Variants in VRK2 observed in about 807,000 individuals in gnomAD.
The protein encoded by VRK2 is VRK serine/threonine kinase 2.
VRK2 carries 60 observed loss-of-function variants against 57.6 expected under a neutral mutation model. The observed-to-expected ratio is 1.04, with a 90% CI of 0.85 to 1.29. The LOEUF is 1.29. Ranked by LOEUF, VRK2 falls within the 50% of genes most tolerant of loss-of-function variation. The probability of loss-of-function intolerance (pLI) is 0.00; values close to 1 mark genes in which losing one functional copy is unlikely to be tolerated. For synonymous variants in VRK2, 231 were observed against 199.2 expected (o/e 1.16, Z -1.35); for missense variants, 705 against 588.1 (o/e 1.20, Z -2.06).
chr2:57,927,451 A>AT (rs1178850122), intron 1 of VRK2, among the ~76,000 whole-genome samples: 1 of 151,782 alleles, frequency 6.6e-6, no homozygotes, highest in Non-Finnish European at 1.5e-5. Flanking sequence ...TAATTTTTGT[A>AT]TTTTTAGTAG....
intron 2 of VRK2, among the ~76,000 whole-genome samples, chr2:58,080,693 T>C (rs963613149): frequency 1.3e-5 from 2 of 152,008 alleles, no homozygotes; most frequent in East Asian, 1.9e-4. Context: ...AGTTTGTACT[T>C]ATTAATTTAT....
chr2:58,009,265 C>T (rs1673346931), intron 1 of VRK2, among the ~76,000 whole-genome samples: 2 of 151,904 alleles, frequency 1.3e-5, no homozygotes, highest in South Asian at 4.2e-4. Flanking sequence ...TTTAACTGGA[C>T]ATATGATATA....
intron 1 of VRK2, among the ~76,000 whole-genome samples, chr2:58,004,211 C>T (rs921396718): frequency 1.3e-5 from 2 of 151,804 alleles, no homozygotes; most frequent in Non-Finnish European, 3.0e-5. Flanking sequence ...ACACACACAT[C>T]CTGACCTACC....
At chr2:58,120,410 T>G (rs1240363146) in intron 7 of VRK2, among the ~76,000 whole-genome samples, 2 of 151,598 alleles carry the variant, frequency 1.3e-5, no homozygotes, top group Non-Finnish European at 2.9e-5. Context: ...AGGCTGGTCT[T>G]GAACTCCTGA....
chr2:58,136,939 AT>A (rs1481967758), intron 10 of VRK2, among the ~76,000 whole-genome samples: 2 of 135,826 alleles, frequency 1.5e-5, no homozygotes, highest in Admixed American at 7.8e-5. Context: ...TATCATATAT[AT>A]TATATATCAT....
intron 1 of VRK2, among the ~76,000 whole-genome samples, chr2:57,960,013 G>A (rs989809273): frequency 2.7e-5 from 4 of 146,384 alleles, no homozygotes; most frequent in Non-Finnish European, 4.5e-5. Context: ...ATGGGTGTGT[G>A]TGTGTGTGAA....
intron 7 of VRK2, among the ~76,000 whole-genome samples, chr2:58,113,050 C>A (rs998988372): frequency 2.0e-5 from 3 of 152,256 alleles, no homozygotes; most frequent in Admixed American, 2.0e-4. Flanking sequence ...GTGGCTCACG[C>A]CTGTAATCCC....
intron 12 of VRK2, among the ~76,000 whole-genome samples, chr2:58,151,115 T>C (rs1682956754): frequency 6.6e-6 from 1 of 151,786 alleles, no homozygotes; most frequent in South Asian, 2.1e-4. Flanking sequence ...GTTCAAATCT[T>C]ATATATTCAC....
At chr2:58,020,474 G>A (rs904781092) in intron 1 of VRK2, among the ~76,000 whole-genome samples, 1 of 152,222 alleles carries the variant, frequency 6.6e-6, no homozygotes, top group African/African-American at 2.4e-5. Context: ...CAAGTCACTG[G>A]GATTACAGGT....
intron 7 of VRK2, among the ~76,000 whole-genome samples, chr2:58,102,926 T>C (rs924311104): frequency 2.0e-4 from 31 of 151,734 alleles, no homozygotes; most frequent in African/African-American, 7.5e-4. Flanking sequence ...ATTAATACCA[T>C]GAGTAATTAT....
At chr2:58,064,530 C>T (rs1161991090) in intron 2 of VRK2, among the ~76,000 whole-genome samples, 1 of 152,000 alleles carries the variant, frequency 6.6e-6, no homozygotes, top group Non-Finnish European at 1.5e-5. Context: ...TGCTGTTGTA[C>T]CCTTAATAAA....
chr2:58,142,854 CATAT>C (rs1404926496), intron 11 of VRK2, among the ~76,000 whole-genome samples: 1 of 151,792 alleles, frequency 6.6e-6, no homozygotes, highest in African/African-American at 2.4e-5. Flanking sequence ...GTGCTTGAAT[CATAT>C]ATACAATATA....
intron 12 of VRK2, chr2:58,154,772 C>T: frequency 1.4e-6 from 1 of 717,610 alleles, no homozygotes; most frequent in Non-Finnish European, 2.6e-6. Context: ...GAAGCTTAGG[C>T]TATTGATTTG....
chr2:57,928,224 A>T (rs1008566806), intron 1 of VRK2, among the ~76,000 whole-genome samples: 6 of 151,914 alleles, frequency 3.9e-5, no homozygotes, highest in East Asian at 1.9e-4. Context: ...TCATTTTTTA[A>T]AATTATTTTT....
chr2:57,962,265 A>G (rs1041655162), intron 1 of VRK2, among the ~76,000 whole-genome samples: 3 of 152,292 alleles, frequency 2.0e-5, no homozygotes, highest in Admixed American at 2.0e-4. Context: ...TCCTTTTCAA[A>G]TTCAGAAAAG....
At chr2:57,933,055 T>G (rs548480746) in intron 1 of VRK2, among the ~76,000 whole-genome samples, 99 of 152,236 alleles carry the variant, frequency 6.5e-4, no homozygotes, top group African/African-American at 2.4e-3. Flanking sequence ...GGTTTCAGTC[T>G]TCTTAAACTT....
chr2:58,039,260 A>C (rs1243501339), intron 3 of VRK2, among the ~76,000 whole-genome samples: 1 of 152,200 alleles, frequency 6.6e-6, no homozygotes, highest in Admixed American at 6.5e-5. Context: ...AACCGAAAGC[A>C]ATGTGCATCC....
chr2:57,922,159 G>C (rs1670370830), intron 1 of VRK2, among the ~76,000 whole-genome samples: 1 of 151,920 alleles, frequency 6.6e-6, no homozygotes, highest in South Asian at 2.1e-4. Context: ...TCCTAACAAA[G>C]TCCTGACAAT....
At chr2:58,067,946 T>TC (rs1232422189) in intron 2 of VRK2, among the ~76,000 whole-genome samples, 1 of 152,094 alleles carries the variant, frequency 6.6e-6, no homozygotes, top group Non-Finnish European at 1.5e-5. Context: ...TTGTTTTTTT[T>TC]TGAAACAGAG....
Sources: allele counts gnomAD v4.1 joint callset (sites outside exome capture counted in the v4.1 genomes callset), GRCh38; gene constraint gnomAD v4.1.1; transcripts MANE v1.5; gene names NCBI Gene and HGNC (gene_info 2026-07-23, HGNC 2026-07-21).